Variants in FARS2 observed in about 807,000 individuals in gnomAD.
FARS2 encodes the protein phenylalanine--tRNA ligase, mitochondrial.
In FARS2, 40 loss-of-function variants were observed where a neutral mutation model predicts 46.4. The ratio of observed to expected loss-of-function variants is 0.86; its 90% CI spans 0.67 to 1.12. The LOEUF (loss-of-function observed/expected upper bound fraction) is 1.12, where lower values mean the gene tolerates loss of function less well. FARS2 is among the 50% of genes most tolerant of loss of function. The pLI is 0.00. For synonymous variants in FARS2, 234 were observed against 214.9 expected (o/e 1.09, Z -0.78); for missense variants, 513 against 567.9 (o/e 0.90, Z 0.98).
intron 4 of FARS2, among the ~76,000 whole-genome samples, chr6:5,531,820 GAGA>G (rs1162776497): frequency 7.9e-5 from 12 of 152,222 alleles, no homozygotes. Context: ...ATGGTTGGAA[GAGA>G]AGAAATCGGA....
At chr6:5,642,491 G>A (rs2150742189) in intron 6 of FARS2, among the ~76,000 whole-genome samples, 1 of 152,316 alleles carries the variant, frequency 6.6e-6, no homozygotes, top group South Asian at 2.1e-4. Flanking sequence ...CTTTTGGAAT[G>A]TCTTGAGTTA....
chr6:5,533,847 G>A (rs1295550999), intron 4 of FARS2, among the ~76,000 whole-genome samples: 2 of 152,238 alleles, frequency 1.3e-5, no homozygotes, highest in Admixed American at 6.5e-5. Flanking sequence ...GTACCTGTAT[G>A]TCTCAAGGCT....
intron 6 of FARS2, among the ~76,000 whole-genome samples, chr6:5,613,695 G>A (rs6940533): frequency 0.035 from 5,291 of 152,234 alleles, 294 homozygotes; most frequent in African/African-American, 0.12. Flanking sequence ...GCAAATATTT[G>A]TTAAGCACTT....
intron 4 of FARS2, among the ~76,000 whole-genome samples, chr6:5,494,252 C>A (rs1361066036): frequency 2.6e-5 from 4 of 151,208 alleles, no homozygotes; most frequent in African/African-American, 4.9e-5. Flanking sequence ...AAGTAAAATT[C>A]TATGTTTTAG....
intron 6 of FARS2, among the ~76,000 whole-genome samples, chr6:5,625,526 T>C (rs190287500): frequency 6.6e-6 from 1 of 152,206 alleles, no homozygotes; most frequent in Admixed American, 6.5e-5. Context: ...ACTGATGATG[T>C]GCACAGATGT....
At chr6:5,446,027 G>A (rs1347859840) in intron 4 of FARS2, among the ~76,000 whole-genome samples, 3 of 151,994 alleles carry the variant, frequency 2.0e-5, no homozygotes, top group Non-Finnish European at 4.4e-5. Context: ...GTGAAACCCC[G>A]TCTCTACTAA....
rs1554186524 is a variant in FARS2, at chr6:5,448,483, T to TTC, written c.904+17311_904+17312insTC. 5.1e-4 allele frequency among the ~76,000 whole-genome samples: 78 copies of TTC among 151,898 alleles called. 1 individual carries two copies. Among genetic ancestry groups the TTC allele is most frequent in the African/African-American group, 1.8e-3 (75 of 41,464 alleles). On this transcript the variant is annotated intron_variant, in intron 4 of 6. Coordinates refer to ENST00000274680, the MANE Select transcript of FARS2 (RefSeq NM_006567.5). Reference sequence around the variant, plus strand: ...ACACATTTTTTCTGTTTTTTTTTTTTCACTTACAGTGTATTTTAGAGATGT... The same window carrying TTC: ...ACACATTTTTTCTGTTTTTTTTTTTTTCCACTTACAGTGTATTTTAGAGATGT...
intron 6 of FARS2, among the ~76,000 whole-genome samples, chr6:5,711,291 G>GATGGATGA (rs1554128172): frequency 8.6e-5 from 13 of 151,384 alleles, no homozygotes; most frequent in African/African-American, 2.9e-4. Flanking sequence ...ATGCGGGATG[G>GATGGATGA]ATGAATGAAT....
At chr6:5,374,411 G>A (rs1483986423) in intron 2 of FARS2, among the ~76,000 whole-genome samples, 1 of 152,002 alleles carries the variant, frequency 6.6e-6, no homozygotes, top group Non-Finnish European at 1.5e-5. Context: ...AAAAAAGAGT[G>A]CAGGATAAAT....
intron 5 of FARS2, among the ~76,000 whole-genome samples, chr6:5,554,790 G>A (rs992530542): frequency 2.0e-5 from 3 of 152,118 alleles, no homozygotes; most frequent in Admixed American, 1.3e-4. Flanking sequence ...AGTAAGTAAC[G>A]GAGCCAGGAT....
chr6:5,699,955 A>G (rs1225209261), intron 6 of FARS2, among the ~76,000 whole-genome samples: 4 of 152,144 alleles, frequency 2.6e-5, no homozygotes, highest in African/African-American at 9.7e-5. Context: ...AACCACCTAT[A>G]GTGTGGCTCC....
chr6:5,579,634 C>T (rs1230751229), intron 5 of FARS2, among the ~76,000 whole-genome samples: 1 of 152,176 alleles, frequency 6.6e-6, no homozygotes, highest in Non-Finnish European at 1.5e-5. Context: ...TATTTTTCCC[C>T]CAAACCAATA....
chr6:5,282,272 C>G (rs1433762046), intron 1 of FARS2, among the ~76,000 whole-genome samples: 2 of 152,210 alleles, frequency 1.3e-5, no homozygotes, highest in Non-Finnish European at 2.9e-5. Flanking sequence ...GGCATGCAGC[C>G]TATCATTGCC....
intron 5 of FARS2, among the ~76,000 whole-genome samples, chr6:5,550,568 C>T (rs1771313219): frequency 6.6e-6 from 1 of 152,210 alleles, no homozygotes; most frequent in South Asian, 2.1e-4. Flanking sequence ...TGTGCCTTAC[C>T]TCCTTTTTTG....
intron 6 of FARS2, among the ~76,000 whole-genome samples, chr6:5,670,477 C>T (rs1778396254): frequency 6.6e-6 from 1 of 152,024 alleles, no homozygotes; most frequent in Non-Finnish European, 1.5e-5. Flanking sequence ...AGTACTTGGC[C>T]CACAACTGAT....
At chr6:5,667,328 G>C (rs746402971) in intron 6 of FARS2, among the ~76,000 whole-genome samples, 6 of 151,984 alleles carry the variant, frequency 3.9e-5, no homozygotes, top group Non-Finnish European at 8.8e-5. Flanking sequence ...GACCAGCCTG[G>C]CCAATATGGA....
intron 1 of FARS2, among the ~76,000 whole-genome samples, chr6:5,330,286 A>G (rs1770708538): frequency 6.6e-6 from 1 of 152,164 alleles, no homozygotes. Context: ...GTTGTCTTCT[A>G]AGTCTTATCC....
chr6:5,759,823 C>A (rs1482772134), intron 6 of FARS2, among the ~76,000 whole-genome samples: 2 of 152,162 alleles, frequency 1.3e-5, no homozygotes, highest in Admixed American at 6.5e-5. Context: ...ACAAGGAATC[C>A]AACATAAGGC....
chr6:5,519,610 G>A (rs1225795255), intron 4 of FARS2, among the ~76,000 whole-genome samples: 1 of 152,154 alleles, frequency 6.6e-6, no homozygotes, highest in African/African-American at 2.4e-5. Flanking sequence ...CAAGGCCAAC[G>A]AAGAAGATGT....
Sources: gnomAD v4.1 joint callset for allele counts (sites outside exome capture counted in the v4.1 genomes callset) on GRCh38, gnomAD v4.1.1 for gene constraint, MANE v1.5 for transcripts, NCBI Gene and HGNC (gene_info 2026-07-23, HGNC 2026-07-21) for gene names.